The following LMO1 variants were observed in gnomAD, a reference collection of about 807,000 sequenced individuals.
The protein encoded by LMO1 is rhombotin-1.
In LMO1, 10 loss-of-function variants were observed where a neutral mutation model predicts 18.0. The ratio of observed to expected loss-of-function variants is 0.55; its 90% CI spans 0.34 to 0.94. LMO1 has a LOEUF of 0.94. LMO1 is among the 40% of genes least tolerant of loss of function. LMO1 has a pLI of 0.02. For synonymous variants in LMO1, 77 were observed against 77.9 expected, an observed-to-expected ratio of 0.99 and a Z score of 0.06; for missense variants, 183 against 205.7, an observed-to-expected ratio of 0.89 and a Z score of 0.68.
At chr11:8,244,285 T>C (rs370396828) in intron 1 of LMO1, among the ~76,000 whole-genome samples, 1 of 152,166 alleles carries the variant, frequency 6.6e-6, no homozygotes, top group East Asian at 1.9e-4. Flanking sequence ...AATTACAACA[T>C]GGGCCTGGGT....
chr11:8,242,609 C>G (rs1354860024), intron 1 of LMO1, among the ~76,000 whole-genome samples: 1 of 152,196 alleles, frequency 6.6e-6, no homozygotes. Context: ...AACGGGATGC[C>G]GCTTGAAGCT....
chr11:8,263,599 T>G lies in LMO1; in HGVS notation c.-237A>C. 1 of 1,362,932 alleles carries G rather than the reference T, an allele frequency of 7.3e-7. No homozygotes were observed. Among genetic ancestry groups the G allele is most frequent in the Non-Finnish European group, 9.4e-7 (1 of 1,062,226 alleles). 84.4% of individuals were successfully genotyped at this position (1,362,932 alleles called of 1,614,324 possible). The stretch of plus-strand genomic sequence containing the variant: ...CTCAGAATTGGAAGGAACTACGAAC[T>G]GCAATTTAGAGAGAGAGGGAGAGGG... On this transcript the variant is annotated 5_prime_UTR_variant, in exon 1 of 4. Transcript: ENST00000335790.
In LMO1 at chr11:8,238,701, G is replaced by A. The variant is rs1952804670; in HGVS notation, c.26-8197C>T. The stretch of plus-strand genomic sequence containing the variant: ...AAAAAAAAAAAAAAAAAGAATACTG[G>A]TTACTTGGGGTGAGGTGGGGGACAT... On this transcript the variant is annotated intron_variant, in intron 1 of 3. Coordinates refer to ENST00000335790, the MANE Select transcript of LMO1 (RefSeq NM_002315.3). 4.0e-5 allele frequency among the ~76,000 whole-genome samples: 6 copies of A among 151,208 alleles called. No individual in the cohort carries two copies. The South Asian group carries it at 1.3e-3, about 32-fold the overall frequency.
intron 1 of LMO1, among the ~76,000 whole-genome samples, chr11:8,242,789 T>A (rs1052922892): frequency 6.6e-6 from 1 of 152,168 alleles, no homozygotes; most frequent in African/African-American, 2.4e-5. Flanking sequence ...CAGACGAGTC[T>A]CAATTTCACA....
Position 8,263,831 on chromosome 11 carries a change from T to TG in LMO1, c.-470dup. 1 of 1,055,982 alleles carries TG rather than the reference T, an allele frequency of 9.5e-7. No homozygotes were observed. Among genetic ancestry groups the TG allele is most frequent in the Non-Finnish European group, 1.1e-6 (1 of 874,052 alleles). The allele number at this position is 1,055,982 out of a possible 1,614,324, so 65.4% of individuals were successfully genotyped here. ...CAATCTAAAATTATATTCAAAGAGA[T>TG]GGGGGAATCTCGTGGCCGTCTCCCG... On this transcript the variant is annotated 5_prime_UTR_variant, in exon 1 of 4. Transcript: ENST00000335790.
At position 8,230,436 on chromosome 11, in the gene LMO1, T is replaced by C. The variant is rs767548965; in HGVS notation, c.94A>G (p.Lys32Glu). 1.2e-5 allele frequency: 20 copies of C among 1,614,070 alleles called. No homozygotes were observed. The South Asian group carries it at 2.1e-4, about 17-fold the overall frequency. Residue 32 changes from lysine (K) to glutamate (E), a missense_variant, in exon 2 of 4, where the codon AAG becomes GAG. Coordinates refer to ENST00000335790, the MANE Select transcript of LMO1 (RefSeq NM_002315.3). ...KGCAGCNRKI[K>E]DRYLLKALDK... ...AATGCCTTCAGCAGATAGCGGTCCTTGATCTTGCGGTTACAGCCCGCACAG... is the reference window on the plus strand; with the variant it reads ...AATGCCTTCAGCAGATAGCGGTCCTCGATCTTGCGGTTACAGCCCGCACAG...
At chr11:8,232,474 G>T (rs1049679288) in intron 1 of LMO1, among the ~76,000 whole-genome samples, 1 of 152,184 alleles carries the variant, frequency 6.6e-6, no homozygotes, top group Non-Finnish European at 1.5e-5. Context: ...AAAATAGCTG[G>T]ATGGGGAAAT....
upstream of LMO1, chr11:8,268,410 G>A (rs1847282971): frequency 3.4e-6 from 5 of 1,468,010 alleles, no homozygotes; most frequent in Non-Finnish European, 3.6e-6. Context: ...CACCGGCACC[G>A]GGCGCCGGGC....
intron 1 of LMO1, among the ~76,000 whole-genome samples, chr11:8,230,817 G>T (rs1218350745): frequency 6.6e-6 from 1 of 152,162 alleles, no homozygotes; most frequent in Admixed American, 6.5e-5. Flanking sequence ...TCTATCCCCT[G>T]TGCGGTCTCA....
intron 1 of LMO1, among the ~76,000 whole-genome samples, chr11:8,238,445 G>A (rs1449598047): frequency 6.6e-6 from 1 of 152,176 alleles, no homozygotes; most frequent in East Asian, 1.9e-4. Flanking sequence ...GCTGAGGTAG[G>A]CGGATCATGA....
At chr11:8,237,185 G>A (rs1156975905) in intron 1 of LMO1, among the ~76,000 whole-genome samples, 3 of 152,114 alleles carry the variant, frequency 2.0e-5, no homozygotes, top group East Asian at 1.9e-4. Flanking sequence ...GGGTCTCGGG[G>A]GTCTGGGTCC....
Position 8,263,502 on chromosome 11 carries a change from G to A in LMO1, c.-140C>T, listed in dbSNP as rs1847226216. Reference sequence around the variant, plus strand: ...GCTTGTCCGGCTCTTAACCTAGATTGCACTCAGCTAGAATTACATTCAGGA... The same window carrying A: ...GCTTGTCCGGCTCTTAACCTAGATTACACTCAGCTAGAATTACATTCAGGA... On this transcript the variant is annotated 5_prime_UTR_variant, in exon 1 of 4. Transcript: ENST00000335790. 5.5e-6 allele frequency: 8 copies of A among 1,453,358 alleles called. No homozygotes were observed. Among genetic ancestry groups the A allele is most frequent in the Non-Finnish European group, 7.2e-6 (8 of 1,107,830 alleles). The allele number at this position is 1,453,358 out of a possible 1,614,324, so 90.0% of individuals were successfully genotyped here.
chr11:8,266,715 G>A (rs936909855), upstream of LMO1, among the ~76,000 whole-genome samples: 4 of 152,220 alleles, frequency 2.6e-5, no homozygotes, highest in African/African-American at 7.2e-5. Flanking sequence ...GAGTGGGGGT[G>A]GGAGATAGTG....
intron 1 of LMO1, among the ~76,000 whole-genome samples, chr11:8,259,195 G>A (rs1455416753): frequency 6.6e-6 from 1 of 152,164 alleles, no homozygotes; most frequent in Non-Finnish European, 1.5e-5. Context: ...CATGGATTCC[G>A]GACGACAGAC....
At chr11:8,249,592 A>G (rs1325242794) in intron 1 of LMO1, among the ~76,000 whole-genome samples, 1 of 152,164 alleles carries the variant, frequency 6.6e-6, no homozygotes, top group Non-Finnish European at 1.5e-5. Context: ...CCCATGTAAC[A>G]TGTAACAAAC....
intron 1 of LMO1, among the ~76,000 whole-genome samples, chr11:8,251,872 AGTGTGTGTGTGT>A (rs1847003068): frequency 3.4e-5 from 1 of 29,566 alleles, no homozygotes; most frequent in Non-Finnish European, 8.3e-5. Flanking sequence ...AATGTGTGTG[AGTGTGTGTGTGT>A]ATAGGTGTGT....
At chr11:8,241,987 C>T (rs1846803270) in intron 1 of LMO1, among the ~76,000 whole-genome samples, 1 of 152,274 alleles carries the variant, frequency 6.6e-6, no homozygotes, top group African/African-American at 2.4e-5. Flanking sequence ...ATATTACTGG[C>T]AAGAATCTGC....
At chr11:8,261,430 A>T (rs994982253) in intron 1 of LMO1, among the ~76,000 whole-genome samples, 5 of 152,214 alleles carry the variant, frequency 3.3e-5, no homozygotes, top group Admixed American at 3.3e-4. Flanking sequence ...TCAGAGCCAG[A>T]GGCATCATGT....
chr11:8,243,137 A>G (rs971473986), intron 1 of LMO1, among the ~76,000 whole-genome samples: 3 of 152,100 alleles, frequency 2.0e-5, no homozygotes, highest in African/African-American at 7.2e-5. Context: ...TGGGGCTGAG[A>G]CAGCACTGCC....
Sources: allele counts gnomAD v4.1 joint callset (sites outside exome capture counted in the v4.1 genomes callset), GRCh38; gene constraint gnomAD v4.1.1; transcripts MANE v1.5; gene names NCBI Gene and HGNC (gene_info 2026-07-23, HGNC 2026-07-21).